Variants in MPHOSPH9 observed in about 807,000 individuals in gnomAD.
MPHOSPH9 encodes M-phase phosphoprotein 9.
Under a neutral mutation model 145.5 loss-of-function variants are expected in MPHOSPH9, and 88 were observed. That is an observed-to-expected ratio of 0.60 (90% CI 0.51 to 0.72). The LOEUF (loss-of-function observed/expected upper bound fraction) is 0.72. Ranked by LOEUF, MPHOSPH9 falls within the 30% of genes least tolerant of loss-of-function variation. The pLI, the probability that MPHOSPH9 is intolerant of heterozygous loss-of-function variation, is 0.00. For missense variants in MPHOSPH9, 1,238 were observed against 1,386.6 expected (o/e 0.89, Z 1.70); for synonymous variants, 435 against 486.2 (o/e 0.89, Z 1.39).
chr12:123,205,415 G>A (rs777782017), intron 8 of MPHOSPH9, among the ~76,000 whole-genome samples: 7 of 152,070 alleles, frequency 4.6e-5, no homozygotes, highest in Non-Finnish European at 1.0e-4. Flanking sequence ...GTGTGGTGGT[G>A]CGTGCCTGTA....
At chr12:123,198,907 A>C (rs1049024540) in intron 11 of MPHOSPH9, among the ~76,000 whole-genome samples, 1 of 151,914 alleles carries the variant, frequency 6.6e-6, no homozygotes, top group South Asian at 2.1e-4. Flanking sequence ...CTTGAAAAAA[A>C]TCTGTATCTA....
chr12:123,168,564 G>C (rs546210740), intron 16 of MPHOSPH9, among the ~76,000 whole-genome samples: 1 of 151,658 alleles, frequency 6.6e-6, no homozygotes, highest in Non-Finnish European at 1.5e-5. Flanking sequence ...GGATGGTCTC[G>C]ATCTCCTGAC....
intron 13 of MPHOSPH9, among the ~76,000 whole-genome samples, chr12:123,190,124 A>G (rs1004728570): frequency 2.0e-5 from 3 of 151,380 alleles, no homozygotes; most frequent in Non-Finnish European, 4.4e-5. Flanking sequence ...TGCACAGGGG[A>G]TGTCAACTGC....
At chr12:123,160,904 C>T in intron 22 of MPHOSPH9, 55 bp from the exon 23 acceptor site, 14 of 1,563,380 alleles carry the variant, frequency 9.0e-6, no homozygotes, top group Non-Finnish European at 1.1e-5. Context: ...GTTTATCACA[C>T]AGAATGGAAA....
chr12:123,237,173 G>A (rs1348970215), upstream of MPHOSPH9, among the ~76,000 whole-genome samples: 3 of 152,052 alleles, frequency 2.0e-5, no homozygotes, highest in Non-Finnish European at 2.9e-5. Flanking sequence ...AAAAATAAAC[G>A]GGGCCAGGCA....
chr12:123,199,005 CT>C (rs1231745333), intron 11 of MPHOSPH9, among the ~76,000 whole-genome samples: 1 of 151,162 alleles, frequency 6.6e-6, no homozygotes, highest in East Asian at 1.9e-4. Flanking sequence ...GGGAGATTTA[CT>C]TTTTTCTTTC....
rs1047158 is a variant in MPHOSPH9, at chr12:123,159,509, C to A, written c.3450+1272G>T. Among the ~76,000 whole-genome samples the A allele has an allele frequency of 0.64, 96,491 of 151,914 alleles. 35,221 individuals carry two copies. Among genetic ancestry groups the A allele is most frequent in the East Asian group, 0.97 (5,030 of 5,176 alleles). On this transcript the variant is annotated intron_variant, in intron 23 of 23. Transcript: ENST00000606320. The surrounding 1 kb of genome is among the most constrained non-coding windows in gnomAD (Gnocchi z 4.3). ...TTTTTGTTGTTGTTGTTTTCCCAAACATACAGGTTTCAGGATGGGGAAGAG... is the reference window on the plus strand; with the variant it reads ...TTTTTGTTGTTGTTGTTTTCCCAAAAATACAGGTTTCAGGATGGGGAAGAG...
intron 13 of MPHOSPH9, among the ~76,000 whole-genome samples, chr12:123,190,365 G>C (rs2045626980): frequency 6.6e-6 from 1 of 152,064 alleles, no homozygotes; most frequent in Non-Finnish European, 1.5e-5. Flanking sequence ...TGTTAGCCAG[G>C]ATGGTCTTGA....
At chr12:123,180,910 T>C (rs2045104231) in intron 14 of MPHOSPH9, among the ~76,000 whole-genome samples, 2 of 152,206 alleles carry the variant, frequency 1.3e-5, no homozygotes, top group South Asian at 4.1e-4. Context: ...TTATACTCTT[T>C]TGAACAATTT....
chr12:123,206,509 G>GA lies in MPHOSPH9; in HGVS notation c.1195-3135dup, dbSNP rs1326449311. 8.4e-3 allele frequency among the ~76,000 whole-genome samples: 891 copies of GA among 105,470 alleles called. 8 individuals are homozygous for GA. Among genetic ancestry groups the GA allele is most frequent in the African/African-American group, 0.021 (842 of 39,248 alleles). 69.2% of individuals were successfully genotyped at this position (105,470 alleles called of 152,430 possible). A position where few individuals can be genotyped will look rare whatever the true frequency, so the allele number is the denominator to read the frequency against. On this transcript the variant is annotated intron_variant, in intron 8 of 23. Transcript: ENST00000606320. ...GAGGAGAAGAGAAGAGAGGAGAGGA[G>GA]AGGAGAAGAGAAGAGAAGAGATGAG...
At chr12:123,176,822 C>A in intron 15 of MPHOSPH9, 33 bp from the exon 16 acceptor site, 1 of 1,499,328 alleles carries the variant, frequency 6.7e-7, no homozygotes, top group Non-Finnish European at 9.3e-7. Context: ...AAATTAAGTA[C>A]ATTTCAACAA....
Position 123,166,741 on chromosome 12 carries a change from A to C in MPHOSPH9, c.2505T>G (p.Gly835=). The change falls in exon 17 of 24, where the codon GGT becomes GGG. Residue 835 remains glycine, a synonymous_variant. Coordinates refer to ENST00000606320, the MANE Select transcript of MPHOSPH9 (RefSeq NM_022782.4). ...GGCCAGTAAAGATGGAATACTCTGCACCTGGAATCAGCCATTTCCGCCTGC... is the reference window on the plus strand; with the variant it reads ...GGCCAGTAAAGATGGAATACTCTGCCCCTGGAATCAGCCATTTCCGCCTGC... ...DVSRRKWLIP[G]AEYSIFTGQP... 6.2e-7 allele frequency: 1 copy of C among 1,614,054 alleles called. No individual in the cohort carries two copies. Among genetic ancestry groups the C allele is most frequent in the Non-Finnish European group, 8.5e-7 (1 of 1,180,000 alleles).
intron 1 of MPHOSPH9, among the ~76,000 whole-genome samples, chr12:123,232,709 G>A (rs2047710880): frequency 1.3e-5 from 2 of 152,100 alleles, no homozygotes; most frequent in Non-Finnish European, 2.9e-5. Flanking sequence ...CGGAAAGCAG[G>A]GAGGACGGAG....
chr12:123,162,761 C>T (rs1438251727), intron 20 of MPHOSPH9: 5 of 374,720 alleles, frequency 1.3e-5, no homozygotes, highest in Non-Finnish European at 2.3e-5. Context: ...AACTATCATT[C>T]TACATACAAA....
chr12:123,225,961 G>A (rs996891423), intron 3 of MPHOSPH9, among the ~76,000 whole-genome samples: 3 of 152,144 alleles, frequency 2.0e-5, no homozygotes, highest in African/African-American at 7.2e-5. Flanking sequence ...ACTTGAACCT[G>A]GGAGGCAGTG....
chr12:123,228,469 C>T (rs2047513792), intron 2 of MPHOSPH9, among the ~76,000 whole-genome samples: 1 of 152,210 alleles, frequency 6.6e-6, no homozygotes, highest in Non-Finnish European at 1.5e-5. Flanking sequence ...GCGGGCGGAT[C>T]ACCAGGTCAG....
chr12:123,190,897 A>G (rs189692449), intron 13 of MPHOSPH9, among the ~76,000 whole-genome samples: 14 of 152,346 alleles, frequency 9.2e-5, no homozygotes, highest in Non-Finnish European at 2.9e-5. Context: ...GTTGTATATG[A>G]TAAATGCAAA....
rs776287511 is a variant in MPHOSPH9, at chr12:123,160,843, C to T, written c.3388G>A (p.Ala1130Thr). Residue 1130 changes from alanine (A) to threonine (T), a missense_variant, in exon 23 of 24, where the codon GCA becomes ACA. Coordinates refer to ENST00000606320, the MANE Select transcript of MPHOSPH9 (RefSeq NM_022782.4). Reference sequence around the variant, plus strand: ...GGAGAAGGCATCCTGCTTAGTGCTGCCTCAATCTGTTAACACACGAAAAAA... The same window carrying T: ...GGAGAAGGCATCCTGCTTAGTGCTGTCTCAATCTGTTAACACACGAAAAAA... ...ELTKEKDQIE[A>T]ALSRMPSPGG... 1.2e-6 allele frequency: 2 copies of T among 1,613,788 alleles called. No individual in the cohort carries two copies. The highest frequency in any genetic ancestry group is 1.7e-6 in the Non-Finnish European group (2 of 1,179,944).
At chr12:123,172,871 CTTTTTTTT>C (rs1161727056) in intron 16 of MPHOSPH9, among the ~76,000 whole-genome samples, 9 of 57,964 alleles carry the variant, frequency 1.6e-4, no homozygotes, top group Admixed American at 3.3e-4. Flanking sequence ...TTTTCATTCA[CTTTTTTTT>C]TTTTTTTTTT....
Sources: gnomAD v4.1 joint callset for allele counts (sites outside exome capture counted in the v4.1 genomes callset) on GRCh38, gnomAD v4.1.1 for gene constraint, Gnocchi (gnomAD v3.1) non-coding constraint, MANE v1.5 for transcripts, NCBI Gene and HGNC (gene_info 2026-07-23, HGNC 2026-07-21) for gene names.